HS6ST2: variants seen among roughly 807,000 people sequenced by gnomAD.
HS6ST2 encodes heparan sulfate 6-O-sulfotransferase 2.
Under a neutral mutation model 33.0 loss-of-function variants are expected in HS6ST2, and 17 were observed. The ratio of observed to expected loss-of-function variants is 0.52; its 90% CI spans 0.35 to 0.77. The LOEUF (loss-of-function observed/expected upper bound fraction) is 0.77. Among genes scored for constraint, HS6ST2 ranks in the 30% least tolerant of loss-of-function variants. The pLI is 0.01. For synonymous variants in HS6ST2, 248 were observed against 237.1 expected (o/e 1.05, Z -0.42); for missense variants, 519 against 551.7 (o/e 0.94, Z 0.59).
intron 2 of HS6ST2, among the ~76,000 whole-genome samples, chrX:132,788,273 T>C (rs1291739586): frequency 8.9e-6 from 1 of 111,927 alleles, no homozygotes; most frequent in Non-Finnish European, 1.9e-5. Flanking sequence ...TCACAATATT[T>C]CAAATTTTTT....
chrX:132,830,978 G>T (rs948965094), intron 2 of HS6ST2, among the ~76,000 whole-genome samples: 4 of 111,900 alleles, frequency 3.6e-5, no homozygotes, highest in African/African-American at 1.3e-4. Flanking sequence ...ACAAAAGAAG[G>T]TAGTGAAGGG....
chrX:132,769,229 A>G (rs2064874902), intron 2 of HS6ST2, among the ~76,000 whole-genome samples: 1 of 112,561 alleles, frequency 8.9e-6, no homozygotes, highest in Non-Finnish European at 1.9e-5. Flanking sequence ...CCCAACCACA[A>G]ATTATCCTGC....
At chrX:132,667,646 G>C (rs1274591793) in intron 4 of HS6ST2, 2 of 112,189 alleles carry the variant, frequency 1.8e-5, no homozygotes, top group African/African-American at 6.5e-5. Flanking sequence ...CTTTGGAAAG[G>C]CAACAGCAAA....
chrX:132,644,007 G>A (rs1404363776), intron 4 of HS6ST2, among the ~76,000 whole-genome samples: 1 of 111,881 alleles, frequency 8.9e-6, no homozygotes, highest in Non-Finnish European at 1.9e-5. Context: ...TTAATTCTCA[G>A]AAATAGTGAC....
At chrX:132,826,039 C>T (rs924209942) in intron 2 of HS6ST2, among the ~76,000 whole-genome samples, 1 of 112,405 alleles carries the variant, frequency 8.9e-6, no homozygotes, top group Non-Finnish European at 1.9e-5. Context: ...ACTCACAGTC[C>T]TAAGCTGCCA....
intron 2 of HS6ST2, among the ~76,000 whole-genome samples, chrX:132,769,852 T>C (rs1161637195): frequency 8.9e-6 from 1 of 112,069 alleles, no homozygotes; most frequent in Non-Finnish European, 1.9e-5. Flanking sequence ...GCCAACACTG[T>C]CTTCTGCAGC....
intron 2 of HS6ST2, among the ~76,000 whole-genome samples, chrX:132,928,717 T>C (rs2066734867): frequency 9.0e-6 from 1 of 111,145 alleles, no homozygotes; most frequent in Admixed American, 9.6e-5. Context: ...GAATACCCTA[T>C]TTGATTGTCT....
chrX:132,822,099 T>C, intron 2 of HS6ST2, among the ~76,000 whole-genome samples: 1 of 112,068 alleles, frequency 8.9e-6, no homozygotes, highest in Non-Finnish European at 1.9e-5. Flanking sequence ...GGTACTTTTA[T>C]TGTCCCTGTT....
At chrX:132,878,432 C>T (rs754307184) in intron 2 of HS6ST2, among the ~76,000 whole-genome samples, 3 of 112,189 alleles carry the variant, frequency 2.7e-5, no homozygotes, top group African/African-American at 9.7e-5. Flanking sequence ...TGGGGCAGGT[C>T]GGAGATTCTC....
At chrX:132,839,325 T>C (rs965919266) in intron 2 of HS6ST2, among the ~76,000 whole-genome samples, 5 of 83,900 alleles carry the variant, frequency 6.0e-5, no homozygotes, top group Non-Finnish European at 1.1e-4. Flanking sequence ...TACACACACA[T>C]GTATGTATAT....
At chrX:132,898,433 A>C (rs1189251041) in intron 2 of HS6ST2, among the ~76,000 whole-genome samples, 1 of 105,029 alleles carries the variant, frequency 9.5e-6, no homozygotes, top group African/African-American at 3.4e-5. Context: ...TAATAAGCTG[A>C]AGAGTTAGCC....
intron 2 of HS6ST2, among the ~76,000 whole-genome samples, chrX:132,912,714 CTG>C (rs1255188064): frequency 1.8e-5 from 2 of 112,096 alleles, no homozygotes; most frequent in Non-Finnish European, 3.8e-5. Flanking sequence ...GCTCCTGCCT[CTG>C]TGTACTGCTC....
At chrX:132,920,379 C>T (rs748244525) in intron 2 of HS6ST2, among the ~76,000 whole-genome samples, 5 of 110,812 alleles carry the variant, frequency 4.5e-5, no homozygotes, top group Middle Eastern at 4.6e-3. Context: ...CTTACACCTC[C>T]GTGAGAATGT....
At chrX:132,957,458 GGCGGCGGCGGCT>G (rs777013380) in intron 1 of HS6ST2, 132 bp from the exon 2 acceptor site, 5 of 701,078 alleles carry the variant, frequency 7.1e-6, no homozygotes, top group Non-Finnish European at 1.0e-5. Flanking sequence ...AGTACTCCAC[GGCGGCGGCGGCT>G]GCGGCGGCGG....
intron 2 of HS6ST2, among the ~76,000 whole-genome samples, chrX:132,846,606 A>G (rs2065752607): frequency 8.9e-6 from 1 of 112,132 alleles, no homozygotes; most frequent in Non-Finnish European, 1.9e-5. Flanking sequence ...CTGTCTAGGC[A>G]TGTGGAACTA....
chrX:132,866,886 C>T (rs1347677746), intron 2 of HS6ST2, among the ~76,000 whole-genome samples: 8 of 107,915 alleles, frequency 7.4e-5, no homozygotes, highest in Non-Finnish European at 1.1e-4. Flanking sequence ...TGGGCTGAGA[C>T]GATGGGGTTT....
At chrX:132,841,428 T>A in intron 2 of HS6ST2, among the ~76,000 whole-genome samples, 1 of 111,655 alleles carries the variant, frequency 9.0e-6, no homozygotes, top group East Asian at 2.8e-4. Flanking sequence ...GAAGTACCGC[T>A]CACCTTTCTG....
chrX:132,833,171 T>A (rs978403424), intron 2 of HS6ST2, among the ~76,000 whole-genome samples: 1 of 112,082 alleles, frequency 8.9e-6, no homozygotes, highest in Non-Finnish European at 1.9e-5. Flanking sequence ...CAAGTAGATT[T>A]ACGTTAATAT....
intron 2 of HS6ST2, among the ~76,000 whole-genome samples, chrX:132,711,903 G>A (rs1409860068): frequency 1.8e-5 from 2 of 111,509 alleles, no homozygotes; most frequent in Non-Finnish European, 3.8e-5. Context: ...TTCTCTTTCT[G>A]TTCATGCAGG....
Sources: allele counts gnomAD v4.1 joint callset (sites outside exome capture counted in the v4.1 genomes callset), GRCh38; gene constraint gnomAD v4.1.1; transcripts MANE v1.5; gene names NCBI Gene and HGNC (gene_info 2026-07-23, HGNC 2026-07-21).